The following SLC34A2 variants were observed in gnomAD, a reference collection of about 807,000 sequenced individuals.
SLC34A2 encodes the protein sodium-dependent phosphate transport protein 2B.
A neutral mutation model predicts 50.8 loss-of-function variants in SLC34A2; 41 were observed. The observed-to-expected ratio is 0.81, with a 90% CI of 0.63 to 1.05. The LOEUF is 1.05. Ranked by LOEUF, SLC34A2 falls within the 50% of genes least tolerant of loss-of-function variation. The probability of loss-of-function intolerance (pLI) is 0.00; values close to 1 mark genes in which losing one functional copy is unlikely to be tolerated. For synonymous variants in SLC34A2, 401 were observed against 364.2 expected (o/e 1.10, Z -1.15); for missense variants, 879 against 876.7 (o/e 1.00, Z -0.03).
intron 4 of SLC34A2, chr4:25,664,795 G>A (rs775825773): frequency 5.6e-5 from 14 of 251,180 alleles, no homozygotes; most frequent in Non-Finnish European, 1.0e-4. Context: ...TTAGGGCTGC[G>A]TGTGCCCATG....
intron 4 of SLC34A2, among the ~76,000 whole-genome samples, 181 bp from the exon 5 acceptor site, chr4:25,665,947 G>T (rs530116650): frequency 6.6e-6 from 1 of 152,250 alleles, no homozygotes; most frequent in East Asian, 1.9e-4. Flanking sequence ...CTGCCTTATC[G>T]GGGCAGCACT....
chr4:25,657,723 T>A (rs1486028105), intron 1 of SLC34A2, among the ~76,000 whole-genome samples: 2 of 152,210 alleles, frequency 1.3e-5, no homozygotes, highest in African/African-American at 4.8e-5. Flanking sequence ...CCTTGACTCC[T>A]CTCATCACTA....
intron 5 of SLC34A2, chr4:25,666,876 C>T (rs979722902): frequency 6.6e-6 from 1 of 152,180 alleles, no homozygotes; most frequent in Non-Finnish European, 1.5e-5. Flanking sequence ...TGAGGGGGAC[C>T]AGTTTGAACT....
rs766999791 is a variant in SLC34A2, at chr4:25,676,594, C to G, written c.1918C>G (p.Arg640Gly). Residue 640 changes from arginine to glycine, a missense_variant, in exon 13 of 13, where the codon CGC becomes GGC. Transcript: ENST00000382051. ...CLLCDCPKCCRCSKCCEDLEE... is the reference protein window; with the variant it reads ...CLLCDCPKCCGCSKCCEDLEE... ...GCTGTGTGACTGCCCCAAGTGCTGC[C>G]GCTGCAGCAAGTGCTGCGAGGACTT... 1.2e-6 allele frequency: 2 copies of G among 1,613,230 alleles called. No individual in the cohort carries two copies. Among genetic ancestry groups the G allele is most frequent in the Admixed American group, 3.3e-5 (2 of 60,002 alleles).
intron 3 of SLC34A2, 67 bp from the exon 4 acceptor site, chr4:25,664,135 T>A: frequency 6.4e-7 from 1 of 1,563,360 alleles, no homozygotes; most frequent in African/African-American, 1.4e-5. Context: ...TTGCCAAACT[T>A]CTCAGGGTTT....
At chr4:25,667,839 T>G (rs1714580965) in intron 5 of SLC34A2, 41 bp from the exon 6 acceptor site, 1 of 1,362,584 alleles carries the variant, frequency 7.3e-7, no homozygotes, top group Non-Finnish European at 1.1e-6. Context: ...GCCTCCAGGC[T>G]GCCTTTCTAA....
At chr4:25,658,818 C>T (rs990336878) in intron 1 of SLC34A2, among the ~76,000 whole-genome samples, 9 of 152,254 alleles carry the variant, frequency 5.9e-5, no homozygotes, top group South Asian at 4.2e-4. Flanking sequence ...GCAGTGGTTG[C>T]GCCAGGGCTA....
intron 1 of SLC34A2, among the ~76,000 whole-genome samples, chr4:25,660,773 G>A (rs1714138061): frequency 6.6e-6 from 1 of 152,186 alleles, no homozygotes; most frequent in Non-Finnish European, 1.5e-5. Context: ...TCTAACTCCT[G>A]ACCTCAGATG....
rs768813002 is a variant in SLC34A2 at position 25,670,785 on chromosome 4, G to A, written c.879G>A (p.Ala293=). 26 of 1,613,922 alleles carry A rather than the reference G, an allele frequency of 1.6e-5. No homozygotes were observed. Among genetic ancestry groups the A allele is most frequent in the African/African-American group, 5.3e-5 (4 of 74,916 alleles). ...ISQIAMNDEK[A]KNKSLVKIWC... ...AAATTGCAATGAACGATGAAAAAGC[G>A]AAAAACAAGAGTCTTGTCAAGATTT... Residue 293 remains alanine (A), a synonymous_variant, in exon 8 of 13, where the codon GCG becomes GCA. Coordinates refer to ENST00000382051, the MANE Select transcript of SLC34A2 (RefSeq NM_006424.3).
At chr4:25,667,748 A>C (rs1714575761) in intron 5 of SLC34A2, 132 bp from the exon 6 acceptor site, 1 of 628,888 alleles carries the variant, frequency 1.6e-6, no homozygotes, top group Non-Finnish European at 2.9e-6. Flanking sequence ...AGTGAGGTGC[A>C]AAAAAAAAGT....
intron 4 of SLC34A2, chr4:25,664,749 A>G (rs976706000): frequency 3.4e-6 from 1 of 290,900 alleles, no homozygotes; most frequent in African/African-American, 2.2e-5. Flanking sequence ...TCTGGGCTGG[A>G]GGAATCTGCA....
intron 7 of SLC34A2, 55 bp downstream of exon 7, chr4:25,669,897 C>G: frequency 7.0e-7 from 1 of 1,420,592 alleles, no homozygotes; most frequent in Non-Finnish European, 1.0e-6. Context: ...CACAACATCC[C>G]CTACCTGAGC....
At chr4:25,672,772 A>C (rs1714886898) in intron 9 of SLC34A2, among the ~76,000 whole-genome samples, 1 of 152,112 alleles carries the variant, frequency 6.6e-6, no homozygotes, top group African/African-American at 2.4e-5. Flanking sequence ...TTAGTAAAAA[A>C]AAAAAATTAG....
intron 1 of SLC34A2, among the ~76,000 whole-genome samples, chr4:25,661,483 G>T (rs891265833): frequency 6.6e-6 from 1 of 152,114 alleles, no homozygotes; most frequent in Non-Finnish European, 1.5e-5. Flanking sequence ...CGCCTCCCAG[G>T]TTCAAGCAAT....
At chr4:25,668,649 A>G (rs909568945) in intron 6 of SLC34A2, among the ~76,000 whole-genome samples, 4 of 151,812 alleles carry the variant, frequency 2.6e-5, no homozygotes, top group Non-Finnish European at 5.9e-5. Context: ...CTAAAAAAAA[A>G]AAAAAAAATA....
chr4:25,676,579 T>G lies in SLC34A2; in HGVS notation c.1903T>G (p.Cys635Gly), dbSNP rs1715141261. 4 of 1,612,550 alleles carry G rather than the reference T, an allele frequency of 2.5e-6. No homozygotes were observed. In the African/African-American group the frequency reaches 5.3e-5, roughly 22 times the overall value. The change falls in exon 13 of 13, where the codon TGC becomes GGC. Residue 635 changes from cysteine to glycine, a missense_variant. Physicochemically the swap from Cys to Gly is radical, Grantham distance 159 (BLOSUM62 -3). Transcript: ENST00000382051. ...CCRACCLLCD[C>G]PKCCRCSKCC... The stretch of plus-strand genomic sequence containing the variant: ...CCGCGCGTGCTGCTTGCTGTGTGAC[T>G]GCCCCAAGTGCTGCCGCTGCAGCAA...
intron 9 of SLC34A2, among the ~76,000 whole-genome samples, chr4:25,672,064 T>A (rs1714848122): frequency 6.6e-6 from 1 of 152,170 alleles, no homozygotes; most frequent in South Asian, 2.1e-4. Context: ...CCAGGCATGG[T>A]GTCTCAAGGC....
chr4:25,663,871 C>T (rs1714341001), intron 3 of SLC34A2, among the ~76,000 whole-genome samples: 1 of 152,204 alleles, frequency 6.6e-6, no homozygotes, highest in South Asian at 2.1e-4. Flanking sequence ...CTGTCAACTG[C>T]CTCACTCAGT....
In SLC34A2 at chr4:25,676,657, G is replaced by T. The variant is rs945288110; in HGVS notation, c.1981G>T (p.Ala661Ser). The part of the protein sequence containing the change: ...AQEGQDVPVK[A>S]PETFDNITIS... ...GGAGGGGCAGGATGTCCCTGTCAAG[G>T]CTCCTGAGACCTTTGATAACATAAC... Residue 661 changes from alanine (A) to serine (S), a missense_variant, in exon 13 of 13, where the codon GCT (alanine) becomes TCT (serine). Ala to Ser is a moderately conservative substitution (Grantham distance 99). Coordinates refer to ENST00000382051, the MANE Select transcript of SLC34A2 (RefSeq NM_006424.3). 2 of 1,614,180 alleles carry T rather than the reference G, an allele frequency of 1.2e-6. No homozygotes were observed. The highest frequency in any genetic ancestry group is 1.7e-6 in the Non-Finnish European group (2 of 1,180,034).
Sources: allele counts gnomAD v4.1 joint callset (sites outside exome capture counted in the v4.1 genomes callset), GRCh38; gene constraint gnomAD v4.1.1; transcripts MANE v1.5; gene names NCBI Gene and HGNC (gene_info 2026-07-23, HGNC 2026-07-21).